PPP2R2B: variants seen among roughly 807,000 people sequenced by gnomAD.
The protein encoded by PPP2R2B is protein phosphatase 2 regulatory subunit Bbeta, also known as serine/threonine-protein phosphatase 2A 55 kDa regulatory subunit B beta isoform.
A neutral mutation model predicts 46.0 loss-of-function variants in PPP2R2B; 5 were observed. The observed-to-expected ratio is 0.11, with a 90% CI of 0.06 to 0.23. The LOEUF is 0.23. PPP2R2B is among the 10% of genes least tolerant of loss of function. The pLI is 1.00. For synonymous variants in PPP2R2B, 215 were observed against 206.7 expected (o/e 1.04, Z -0.34); for missense variants, 367 against 575.0 (o/e 0.64, Z 3.70).
At chr5:146,656,828 C>T (rs1581806463) in intron 5 of PPP2R2B, 2 of 152,168 alleles carry the variant, frequency 1.3e-5, no homozygotes, top group Admixed American at 6.5e-5. Flanking sequence ...GGTGTGGCTA[C>T]CTGTGAGTAG....
rs552614565 is a variant in PPP2R2B, at chr5:146,846,545, G to A, written c.70+31457C>T. 3.3e-5 allele frequency among the ~76,000 whole-genome samples: 5 copies of A among 151,214 alleles called. 1 individual carries two copies. Among genetic ancestry groups the A allele is most frequent in the African/African-American group, 1.2e-4 (5 of 41,150 alleles). ...ATACAAAAATCAGCTGGGCATGGTG[G>A]CACGTGCCTGCAACCCCAGCTACTC... On this transcript the variant is annotated intron_variant, in intron 2 of 9. Coordinates refer to ENST00000394411, the MANE Select transcript of PPP2R2B (RefSeq NM_181675.4).
At chr5:147,056,078 A>C, upstream of PPP2R2B, 1 of 1,094,322 alleles carries the variant, frequency 9.1e-7, no homozygotes. Context: ...TCTGCCTGAA[A>C]CCTCTACCTT....
At chr5:146,944,391 G>T (rs1449507712) in intron 1 of PPP2R2B, among the ~76,000 whole-genome samples, 1 of 152,080 alleles carries the variant, frequency 6.6e-6, no homozygotes, top group Non-Finnish European at 1.5e-5. Context: ...ACCTTATTTT[G>T]TTTTCATTAT....
At chr5:146,607,901 A>G (rs2151030425) in intron 7 of PPP2R2B, 1 of 152,382 alleles carries the variant, frequency 6.6e-6, no homozygotes, top group South Asian at 2.1e-4. Context: ...AAAGCAGCAT[A>G]GACAATATGT....
chr5:146,622,642 T>C (rs322504), intron 7 of PPP2R2B, among the ~76,000 whole-genome samples: 32,588 of 152,074 alleles, frequency 0.21, 5,094 homozygotes, highest in African/African-American at 0.44. Flanking sequence ...AAGGCAAAAT[T>C]GTTCCCATAT....
chr5:147,010,010 T>C (rs1310508747), intron 1 of PPP2R2B, among the ~76,000 whole-genome samples: 1 of 152,096 alleles, frequency 6.6e-6, no homozygotes, highest in East Asian at 1.9e-4. Context: ...TTTGTAAAGT[T>C]AAGAATCTTA....
intron 7 of PPP2R2B, among the ~76,000 whole-genome samples, chr5:146,603,268 C>T (rs982040430): frequency 5.3e-5 from 8 of 152,198 alleles, no homozygotes; most frequent in African/African-American, 1.7e-4. Context: ...AGTACAGAAC[C>T]TGCGGACTAT....
chr5:147,065,225 AG>A (rs1307119766), intron 2 of PPP2R2B, among the ~76,000 whole-genome samples: 2 of 152,184 alleles, frequency 1.3e-5, no homozygotes, highest in Admixed American at 6.5e-5. Flanking sequence ...AGGGCCACAA[AG>A]CTCAGAGTTC....
At chr5:146,668,613 A>T (rs1369346700) in intron 5 of PPP2R2B, among the ~76,000 whole-genome samples, 3 of 152,232 alleles carry the variant, frequency 2.0e-5, no homozygotes, top group Non-Finnish European at 4.4e-5. Flanking sequence ...TCTACTTTTA[A>T]GTAACACTTT....
intron 2 of PPP2R2B, among the ~76,000 whole-genome samples, chr5:146,851,482 T>C (rs1454186945): frequency 1.3e-5 from 2 of 152,124 alleles, no homozygotes; most frequent in Admixed American, 6.6e-5. Flanking sequence ...ATCATGCCCA[T>C]TGCTTCATCA....
intron 1 of PPP2R2B, among the ~76,000 whole-genome samples, chr5:146,922,880 G>A (rs773786743): frequency 2.0e-5 from 3 of 152,082 alleles, no homozygotes; most frequent in Non-Finnish European, 2.9e-5. Flanking sequence ...AGAGAACTAC[G>A]AGGGAAGAGG....
intron 7 of PPP2R2B, among the ~76,000 whole-genome samples, chr5:146,631,004 G>A (rs1774389741): frequency 6.6e-6 from 1 of 152,132 alleles, no homozygotes; most frequent in Admixed American, 6.5e-5. Flanking sequence ...ATGTTGATTT[G>A]CCTCCCCTGT....
At chr5:147,061,126 C>T (rs1580871426) in intron 2 of PPP2R2B, among the ~76,000 whole-genome samples, 4 of 152,246 alleles carry the variant, frequency 2.6e-5, no homozygotes, top group Admixed American at 6.5e-5. Flanking sequence ...AAATGCCAGG[C>T]ACTCTTCTAG....
At chr5:146,773,185 C>T (rs181866168) in intron 2 of PPP2R2B, among the ~76,000 whole-genome samples, 8 of 152,286 alleles carry the variant, frequency 5.3e-5, no homozygotes, top group Admixed American at 1.3e-4. Context: ...TTTAAATCAG[C>T]GTAAGGGATT....
At chr5:146,821,864 T>C (rs901181000) in intron 2 of PPP2R2B, among the ~76,000 whole-genome samples, 17 of 152,076 alleles carry the variant, frequency 1.1e-4, no homozygotes, top group Non-Finnish European at 1.8e-4. Flanking sequence ...TGATGCCACA[T>C]TGTAAATTCC....
intron 8 of PPP2R2B, 69 bp from the exon 9 acceptor site, chr5:146,593,131 T>C (rs1770826083): frequency 8.1e-7 from 1 of 1,231,214 alleles, no homozygotes; most frequent in Non-Finnish European, 1.2e-6. Flanking sequence ...AAACACCTCC[T>C]CTTCTGATGT....
At chr5:146,822,783 A>C (rs1156755342) in intron 2 of PPP2R2B, among the ~76,000 whole-genome samples, 1 of 152,160 alleles carries the variant, frequency 6.6e-6, no homozygotes, top group Non-Finnish European at 1.5e-5. Flanking sequence ...TACATAGTAG[A>C]TATTCAGTAA....
At chr5:146,816,119 A>G (rs562787312) in intron 2 of PPP2R2B, among the ~76,000 whole-genome samples, 2 of 152,274 alleles carry the variant, frequency 1.3e-5, no homozygotes, top group East Asian at 1.9e-4. Flanking sequence ...CACTTACAGT[A>G]TTATTAATAA....
chr5:146,625,246 G>T (rs544825046), intron 7 of PPP2R2B, among the ~76,000 whole-genome samples: 1 of 152,170 alleles, frequency 6.6e-6, no homozygotes, highest in East Asian at 1.9e-4. Context: ...CCCACTTGTG[G>T]TGCCTAGGAA....
Sources: gnomAD v4.1 joint callset for allele counts (sites outside exome capture counted in the v4.1 genomes callset) on GRCh38, gnomAD v4.1.1 for gene constraint, MANE v1.5 for transcripts, NCBI Gene and HGNC (gene_info 2026-07-23, HGNC 2026-07-21) for gene names.